The following TTC7A variants were observed in gnomAD, a reference collection of about 807,000 sequenced individuals.
The protein encoded by TTC7A is tetratricopeptide repeat domain 7A, also known as tetratricopeptide repeat protein 7A.
In TTC7A, 110 loss-of-function variants were observed where a neutral mutation model predicts 103.7. That is an observed-to-expected ratio of 1.06 (90% CI 0.91 to 1.24). TTC7A has a LOEUF of 1.24. Ranked by LOEUF, TTC7A falls within the 50% of genes most tolerant of loss-of-function variation. The pLI is 0.00. For missense variants in TTC7A, 1,340 were observed against 1,116.3 expected, an observed-to-expected ratio of 1.20 and a Z score of -2.86; for synonymous variants, 521 against 467.9, an observed-to-expected ratio of 1.11 and a Z score of -1.47.
chr2:47,026,643 G>A (rs1358287712), intron 14 of TTC7A, among the ~76,000 whole-genome samples: 3 of 151,426 alleles, frequency 2.0e-5, no homozygotes, highest in Non-Finnish European at 2.9e-5. Flanking sequence ...GAGAGCACGT[G>A]CCTTCAGGCT....
At chr2:47,053,991 C>A in intron 18 of TTC7A, 2 of 465,270 alleles carry the variant, frequency 4.3e-6, no homozygotes, top group Non-Finnish European at 5.6e-6. Context: ...AGGTTAAAGG[C>A]CCTCCTGAAG....
rs760719289 is a variant in TTC7A at position 46,950,395 on chromosome 2, C to T, written c.217C>T (p.Leu73Phe). The T allele has an allele frequency of 2.1e-5, 34 of 1,614,024 alleles. No individual in the cohort carries two copies. The highest frequency in any genetic ancestry group is 2.8e-5 in the Non-Finnish European group (33 of 1,180,050). The stretch of plus-strand genomic sequence containing the variant: ...TGGGAAATTGCTGCTGGCTGAGGCC[C>T]TCCTGGAGCAGTGTTTGAAGGAGAA... Reference protein sequence around the residue: ...DFGKLLLAEALLEQCLKENHA... With the variant: ...DFGKLLLAEAFLEQCLKENHA... The change falls in exon 2 of 20, where the codon CTC becomes TTC. Residue 73 changes from leucine (L) to phenylalanine (F), a missense_variant. Transcript: ENST00000319190.
At chr2:47,045,115 A>G (rs1682177119) in intron 15 of TTC7A, among the ~76,000 whole-genome samples, 1 of 152,126 alleles carries the variant, frequency 6.6e-6, no homozygotes, top group Admixed American at 6.5e-5. Flanking sequence ...ACTGAGAAGA[A>G]AGGGCCTCAC....
chr2:47,015,447 G>A (rs987286282), intron 11 of TTC7A, among the ~76,000 whole-genome samples: 1 of 152,222 alleles, frequency 6.6e-6, no homozygotes, highest in East Asian at 1.9e-4. Context: ...GCAGCAGGGG[G>A]TAGTGGAAAA....
At chr2:47,040,546 T>C (rs963089025) in intron 15 of TTC7A, 1 of 152,298 alleles carries the variant, frequency 6.6e-6, no homozygotes, top group Non-Finnish European at 1.5e-5. Context: ...CCTTCCATCG[T>C]CTTCCTGTCA....
intron 3 of TTC7A, among the ~76,000 whole-genome samples, chr2:46,973,964 C>T (rs572783609): frequency 6.6e-6 from 1 of 152,302 alleles, no homozygotes; most frequent in South Asian, 2.1e-4. Flanking sequence ...CATTCCTATC[C>T]TGGAGTCCAG....
chr2:46,962,743 C>G (rs1429094912), intron 3 of TTC7A, among the ~76,000 whole-genome samples: 1 of 152,198 alleles, frequency 6.6e-6, no homozygotes, highest in African/African-American at 2.4e-5. Flanking sequence ...TGACTCTTGG[C>G]CTTTTGGCCA....
At chr2:46,974,931 G>T (rs369021072) in intron 3 of TTC7A, 42 bp from the exon 4 acceptor site, 396 of 1,601,806 alleles carry the variant, frequency 2.5e-4, no homozygotes, top group Non-Finnish European at 3.3e-4. Context: ...GAGTCAGGGG[G>T]CCCGAGCAGG....
At chr2:47,031,193 G>T (rs189291439) in intron 15 of TTC7A, among the ~76,000 whole-genome samples, 40 of 152,104 alleles carry the variant, frequency 2.6e-4, no homozygotes, top group Non-Finnish European at 5.3e-4. Flanking sequence ...CACTTCACCC[G>T]CAAAGGCGAG....
At chr2:46,916,610 T>G (rs969441006) in intron 1 of TTC7A, 1 of 157,498 alleles carries the variant, frequency 6.3e-6, no homozygotes, top group African/African-American at 2.4e-5. Flanking sequence ...GATAAATGAG[T>G]GTAGGACGGT....
chr2:47,044,895 A>C (rs771130680), intron 15 of TTC7A, among the ~76,000 whole-genome samples: 1 of 152,224 alleles, frequency 6.6e-6, no homozygotes, highest in African/African-American at 2.4e-5. Context: ...CCCAGGTCTT[A>C]GGGCAGAGGC....
chr2:46,917,476 C>G (rs1668871238), intron 2 of TTC7A, among the ~76,000 whole-genome samples: 1 of 152,170 alleles, frequency 6.6e-6, no homozygotes, highest in Non-Finnish European at 1.5e-5. Flanking sequence ...AATAACATTT[C>G]TTGAATATCT....
At chr2:47,031,778 G>A (rs1396913762) in intron 15 of TTC7A, among the ~76,000 whole-genome samples, 2 of 152,228 alleles carry the variant, frequency 1.3e-5, no homozygotes, top group Middle Eastern at 3.2e-3. Context: ...ATTGCTTTCT[G>A]CCAGGCTAAA....
Position 47,062,314 on chromosome 2 carries a change from C to T in TTC7A, c.2355+1343C>T, listed in dbSNP as rs377370580. 2.3e-3 allele frequency among the ~76,000 whole-genome samples: 345 copies of T among 152,298 alleles called. 2 individuals carry two copies. Among genetic ancestry groups the T allele is most frequent in the South Asian group, 6.8e-3 (33 of 4,822 alleles). ...AAATTCCCAGCTCAGCTATTACTCC[C>T]GCTGCCTGATTTCTATAGATTTCTA... is the stretch of plus-strand genomic sequence containing the variant. On this transcript the variant is annotated intron_variant, in intron 19 of 19. Coordinates refer to ENST00000319190, the MANE Select transcript of TTC7A (RefSeq NM_020458.4).
intron 8 of TTC7A, among the ~76,000 whole-genome samples, chr2:46,996,965 GGTTGTT>G (rs375926625): frequency 1.9e-5 from 2 of 106,936 alleles, no homozygotes; most frequent in East Asian, 2.0e-4. Flanking sequence ...TTTTTGTGGT[GGTTGTT>G]GTTGTTGTTG....
At chr2:46,970,136 T>G (rs939930466) in intron 3 of TTC7A, among the ~76,000 whole-genome samples, 1 of 152,138 alleles carries the variant, frequency 6.6e-6, no homozygotes. Context: ...GTCACAAGTG[T>G]GCGCCACCAA....
chr2:46,953,901 G>A (rs972543549), intron 2 of TTC7A, among the ~76,000 whole-genome samples: 4 of 149,568 alleles, frequency 2.7e-5, no homozygotes, highest in Admixed American at 1.3e-4. Context: ...GGTTTCAAGC[G>A]ATCCTCTTGC....
At chr2:46,971,652 G>C (rs1287128418) in intron 3 of TTC7A, among the ~76,000 whole-genome samples, 1 of 152,020 alleles carries the variant, frequency 6.6e-6, no homozygotes, top group Non-Finnish European at 1.5e-5. Context: ...CCTGAAATAA[G>C]GTAATAGGAA....
chr2:47,024,843 C>G (rs1679714458), intron 14 of TTC7A, among the ~76,000 whole-genome samples: 2 of 152,160 alleles, frequency 1.3e-5, no homozygotes, highest in South Asian at 4.1e-4. Flanking sequence ...ACTACCTTAG[C>G]CCCAGGACCA....
Sources: allele counts gnomAD v4.1 joint callset (sites outside exome capture counted in the v4.1 genomes callset), GRCh38; gene constraint gnomAD v4.1.1; transcripts MANE v1.5; gene names NCBI Gene and HGNC (gene_info 2026-07-23, HGNC 2026-07-21).